The following BOC variants were observed in gnomAD, a reference collection of about 807,000 sequenced individuals.
BOC encodes the protein brother of CDO.
Under a neutral mutation model 112.0 loss-of-function variants are expected in BOC, and 76 were observed. The observed-to-expected ratio is 0.68, with a 90% CI of 0.56 to 0.82. The LOEUF is 0.82. Ranked by LOEUF, BOC falls within the 40% of genes least tolerant of loss-of-function variation. The pLI, the probability that BOC is intolerant of heterozygous loss-of-function variation, is 0.00. For missense variants in BOC, 1,309 were observed against 1,511.7 expected (o/e 0.87, Z 2.22); for synonymous variants, 580 against 599.8 (o/e 0.97, Z 0.48).
At chr3:113,260,485 C>T (rs562479591) in intron 4 of BOC, among the ~76,000 whole-genome samples, 2 of 152,222 alleles carry the variant, frequency 1.3e-5, no homozygotes, top group South Asian at 4.1e-4. Flanking sequence ...GAATTTGGCT[C>T]CATGACCTAA....
At position 113,214,311 on chromosome 3, in the gene BOC, T is replaced by C. The variant is rs548893677; in HGVS notation, c.-169-1876T>C. On this transcript the variant is annotated intron_variant, in intron 1 of 19. Coordinates refer to ENST00000682979, the MANE Select transcript of BOC (RefSeq NM_001378074.1). ...GGGATCCCGGCTCTCTTCAACAACA[T>C]GGTTTCCATGCCCTAAGAATGAATA... is the stretch of plus-strand genomic sequence containing the variant. Among the ~76,000 whole-genome samples the C allele has an allele frequency of 3.3e-5, 5 of 152,334 alleles. No individual in the cohort carries two copies. The East Asian group carries it at 7.7e-4, about 23-fold the overall frequency.
At chr3:113,273,970 A>C (rs1460959981) in intron 8 of BOC, among the ~76,000 whole-genome samples, 1 of 152,206 alleles carries the variant, frequency 6.6e-6, no homozygotes, top group Non-Finnish European at 1.5e-5. Context: ...TTCAGTAGGA[A>C]AAGGCCCACA....
Position 113,233,145 on chromosome 3 carries a change from T to TG in BOC, c.-81-16573dup, listed in dbSNP as rs1553725800. Among the ~76,000 whole-genome samples the TG allele has an allele frequency of 8.3e-3, 690 of 82,854 alleles. 20 individuals are homozygous for TG. Among genetic ancestry groups the TG allele is most frequent in the African/African-American group, 0.025 (638 of 25,030 alleles). The allele number at this position is 82,854 out of a possible 152,430, so 54.4% of individuals were successfully genotyped here. On this transcript the variant is annotated intron_variant, in intron 2 of 19. Coordinates refer to ENST00000682979, the MANE Select transcript of BOC (RefSeq NM_001378074.1). The stretch of plus-strand genomic sequence containing the variant: ...AAGCATGCATGAGCATGTAAAGGAT[T>TG]GGGGTGTGTGTGTGTGTGTGTGTGT...
At chr3:113,212,632 A>AG (rs1371509510) in intron 1 of BOC, 1 of 152,396 alleles carries the variant, frequency 6.6e-6, no homozygotes, top group Non-Finnish European at 1.5e-5. Context: ...GTTGGCGCAG[A>AG]GGGGCGAGGC....
At chr3:113,236,222 A>G (rs1943422162) in intron 2 of BOC, among the ~76,000 whole-genome samples, 1 of 110,270 alleles carries the variant, frequency 9.1e-6, no homozygotes, top group Admixed American at 8.5e-5. Flanking sequence ...ACGTGTATAT[A>G]CGTATATGTG....
At chr3:113,277,946 C>A in intron 9 of BOC, 149 bp from the exon 10 acceptor site, 1 of 996,262 alleles carries the variant, frequency 1.0e-6, no homozygotes, top group Non-Finnish European at 1.5e-6. Context: ...GGGGGCCAGT[C>A]CGAGGCTGTG....
At position 113,279,449 on chromosome 3, in the gene BOC, G is replaced by A. The variant is rs766736102; in HGVS notation, c.2017G>A (p.Glu673Lys). Residue 673 changes from glutamate (E) to lysine (K), a missense_variant, in exon 12 of 20, where the codon GAG becomes AAG. By Grantham distance (56) the Glu-to-Lys change is moderately conservative. Coordinates refer to ENST00000682979, the MANE Select transcript of BOC (RefSeq NM_001378074.1). ...GCTGTCCGTGGAGATCACGGGCCTA[G>A]AGAAAGGTAGGGGCCTGGCCACACC... ...SRLSVEITGL[E>K]KGTSYKFRVR... The A allele has an allele frequency of 3.1e-6, 5 of 1,613,762 alleles. No individual in the cohort carries two copies. The East Asian group carries it at 8.9e-5, about 29-fold the overall frequency.
intron 8 of BOC, among the ~76,000 whole-genome samples, chr3:113,273,551 C>A (rs1948366127): frequency 6.6e-6 from 1 of 152,176 alleles, no homozygotes; most frequent in African/African-American, 2.4e-5. Context: ...AAAAATATTT[C>A]TGTGGAACCC....
intron 6 of BOC, 166 bp downstream of exon 6, chr3:113,271,110 C>A: frequency 1.0e-6 from 1 of 1,001,226 alleles, no homozygotes; most frequent in Non-Finnish European, 1.5e-6. Flanking sequence ...GGGATTCTCT[C>A]CCCTCTGGCC....
intron 9 of BOC, among the ~76,000 whole-genome samples, chr3:113,277,424 A>G (rs1040864026): frequency 1.3e-5 from 2 of 152,228 alleles, no homozygotes; most frequent in African/African-American, 2.4e-5. Context: ...TCTTCTTCCC[A>G]GGATAGGGTG....
At position 113,280,014 on chromosome 3, in the gene BOC, G is replaced by A; in HGVS notation, c.2205+9G>A. 2 of 1,597,268 alleles carry A rather than the reference G, an allele frequency of 1.3e-6. No individual in the cohort carries two copies. Among genetic ancestry groups the A allele is most frequent in the Non-Finnish European group, 1.7e-6 (2 of 1,169,794 alleles). ...TCATGCTCAAGTGGATGGTAAGCGG[G>A]CCTGGCCGTGGACTGCAGTGGAAGA... On this transcript the variant is annotated intron_variant, in intron 13 of 19. Transcript: ENST00000682979.
intron 4 of BOC, among the ~76,000 whole-genome samples, chr3:113,263,254 G>T (rs533292803): frequency 6.6e-6 from 1 of 152,180 alleles, no homozygotes; most frequent in African/African-American, 2.4e-5. Context: ...GCGGTGCCCC[G>T]TGACCTAATG....
chr3:113,268,554 C>T, intron 5 of BOC, 109 bp downstream of exon 5: 1 of 1,044,996 alleles, frequency 9.6e-7, no homozygotes, highest in Non-Finnish European at 1.4e-6. Flanking sequence ...GTCTCCCAAA[C>T]CCCCCTCAAC....
intron 2 of BOC, among the ~76,000 whole-genome samples, chr3:113,239,334 G>A (rs939172968): frequency 3.3e-5 from 5 of 152,210 alleles, no homozygotes; most frequent in Admixed American, 6.5e-5. Flanking sequence ...CGGAGAAGCA[G>A]GGAGAAGCAG....
At chr3:113,271,225 G>A in intron 6 of BOC, 1 of 604,984 alleles carries the variant, frequency 1.7e-6, no homozygotes, top group Non-Finnish European at 3.1e-6. Context: ...ATTGGGATGG[G>A]TCAGAATGTG....
At chr3:113,240,044 C>T (rs577834277) in intron 2 of BOC, among the ~76,000 whole-genome samples, 5 of 152,122 alleles carry the variant, frequency 3.3e-5, no homozygotes, top group Admixed American at 6.5e-5. Context: ...GGCTGGCTTC[C>T]GGATAGCATT....
At chr3:113,224,445 G>A (rs538426159) in intron 2 of BOC, among the ~76,000 whole-genome samples, 1 of 152,064 alleles carries the variant, frequency 6.6e-6, no homozygotes, top group Non-Finnish European at 1.5e-5. Context: ...TCAACACAAG[G>A]CATTCTGGAG....
At chr3:113,219,015 G>A (rs1047889581) in intron 2 of BOC, among the ~76,000 whole-genome samples, 3 of 152,238 alleles carry the variant, frequency 2.0e-5, no homozygotes, top group African/African-American at 7.2e-5. Flanking sequence ...GAGTGTGGGT[G>A]AAAAGAATTG....
At chr3:113,240,396 A>G (rs966266054) in intron 2 of BOC, among the ~76,000 whole-genome samples, 7 of 152,318 alleles carry the variant, frequency 4.6e-5, no homozygotes, top group East Asian at 1.9e-4. Context: ...ATTGCCACAC[A>G]TACAGTAGGA....
Sources: allele counts gnomAD v4.1 joint callset (sites outside exome capture counted in the v4.1 genomes callset), GRCh38; gene constraint gnomAD v4.1.1; transcripts MANE v1.5; gene names NCBI Gene and HGNC (gene_info 2026-07-23, HGNC 2026-07-21).